The following ZSWIM6 variants were observed in gnomAD, a reference collection of about 807,000 sequenced individuals.
The protein encoded by ZSWIM6 is zinc finger SWIM domain-containing protein 6.
In ZSWIM6, 9 loss-of-function variants were observed where a neutral mutation model predicts 113.2. The ratio of observed to expected loss-of-function variants is 0.08; its 90% confidence interval spans 0.05 to 0.14. The LOEUF is 0.14. Ranked by LOEUF, ZSWIM6 falls within the 10% of genes least tolerant of loss-of-function variation. ZSWIM6 has a pLI of 1.00. For synonymous variants in ZSWIM6, 611 were observed against 606.5 expected, an observed-to-expected ratio of 1.01 and a Z score of -0.11; for missense variants, 1,162 against 1,552.2, an observed-to-expected ratio of 0.75 and a Z score of 4.22.
In ZSWIM6 at chr5:61,332,713, G is replaced by A. The variant is rs1342427053; in HGVS notation, c.441G>A (p.Ala147=). Reference sequence around the variant, plus strand: ...ACGACAGCGGTGGCGGCGGCGGCGCGGGCGGCGGCGGCGGCGGCGGCTCCT... The same window carrying A: ...ACGACAGCGGTGGCGGCGGCGGCGCAGGCGGCGGCGGCGGCGGCGGCTCCT... ...PGDDSGGGGG[A]GGGGGGGSSS... The change falls in exon 1 of 14, where the codon GCG becomes GCA. Residue 147 remains alanine (A), a synonymous_variant. Transcript: ENST00000252744. 4.8e-5 allele frequency: 45 copies of A among 928,530 alleles called. 2 individuals carry two copies. In the East Asian group the frequency reaches 5.5e-3, roughly 114 times the overall value. The allele number at this position is 928,530 out of a possible 1,614,324, so 57.5% of individuals were successfully genotyped here. A position where few individuals can be genotyped will look rare whatever the true frequency, so the allele number is the denominator to read the frequency against.
chr5:61,410,325 T>C (rs574429216), intron 1 of ZSWIM6, among the ~76,000 whole-genome samples: 2 of 150,934 alleles, frequency 1.3e-5, no homozygotes, highest in Non-Finnish European at 3.0e-5. Flanking sequence ...TTTTTTTTTT[T>C]TTTCAGACGG....
At chr5:61,494,111 C>T in intron 3 of ZSWIM6, 149 bp from the exon 4 acceptor site, 2 of 856,904 alleles carry the variant, frequency 2.3e-6, no homozygotes, top group Non-Finnish European at 3.5e-6. Context: ...CATCTCCCCG[C>T]CTATCCTCCA....
chr5:61,540,935 T>TTTG (rs796968614), intron 12 of ZSWIM6, among the ~76,000 whole-genome samples: 12 of 130,428 alleles, frequency 9.2e-5, no homozygotes, highest in East Asian at 4.0e-4. Context: ...TTTTTTTTTT[T>TTTG]TTGTTGTTGT....
At chr5:61,352,321 A>G (rs1048790120) in intron 1 of ZSWIM6, among the ~76,000 whole-genome samples, 3 of 152,228 alleles carry the variant, frequency 2.0e-5, no homozygotes, top group African/African-American at 7.2e-5. Context: ...AGGCTCCAGG[A>G]GAGCAGAAAC....
chr5:61,353,018 T>C (rs540742790), intron 1 of ZSWIM6, among the ~76,000 whole-genome samples: 2 of 152,302 alleles, frequency 1.3e-5, no homozygotes, highest in East Asian at 1.9e-4. Context: ...TGAACTTTTT[T>C]TTCCCCGTCT....
At chr5:61,458,892 A>G (rs1203837204) in intron 1 of ZSWIM6, among the ~76,000 whole-genome samples, 3 of 149,404 alleles carry the variant, frequency 2.0e-5, no homozygotes, top group Admixed American at 6.7e-5. Flanking sequence ...AAAAAAAAGA[A>G]AAAAAAAAAA....
At chr5:61,434,092 T>A (rs1037513512) in intron 1 of ZSWIM6, among the ~76,000 whole-genome samples, 9 of 147,118 alleles carry the variant, frequency 6.1e-5, no homozygotes, top group African/African-American at 2.2e-4. Context: ...ATATATGTAT[T>A]ATATATACTA....
intron 10 of ZSWIM6, among the ~76,000 whole-genome samples, chr5:61,537,399 A>AAG (rs1383678976): frequency 6.6e-6 from 1 of 152,196 alleles, no homozygotes; most frequent in Admixed American, 6.5e-5. Context: ...CAGGAAGGAA[A>AAG]AGAGAGATGT....
At position 61,391,097 on chromosome 5, in the gene ZSWIM6, G is replaced by A; in HGVS notation, c.676+58149G>A. ...GCCACAGGTAAGGCCACAGGGGCAG[G>A]ATGCTGTGTCCCAGTACAGGCCACT... On this transcript the variant is annotated intron_variant, in intron 1 of 13. Transcript: ENST00000252744. The A allele has an allele frequency of 1.2e-5, 9 of 744,340 alleles. No homozygotes were observed. The South Asian group carries it at 1.3e-4, about 11-fold the overall frequency. The allele number at this position is 744,340 out of a possible 1,614,324, so 46.1% of individuals were successfully genotyped here. A position where few individuals can be genotyped will look rare whatever the true frequency, so the allele number is the denominator to read the frequency against.
chr5:61,359,199 C>G (rs1157642170), intron 1 of ZSWIM6, among the ~76,000 whole-genome samples: 1 of 151,858 alleles, frequency 6.6e-6, no homozygotes, highest in Non-Finnish European at 1.5e-5. Flanking sequence ...TATGGAGGGA[C>G]CAAAGGGGGA....
intron 3 of ZSWIM6, among the ~76,000 whole-genome samples, chr5:61,492,775 G>C (rs1748216293): frequency 6.6e-6 from 1 of 152,078 alleles, no homozygotes; most frequent in South Asian, 2.1e-4. Flanking sequence ...AAATTCTAAA[G>C]CAGGTGAGGA....
intron 2 of ZSWIM6, among the ~76,000 whole-genome samples, chr5:61,481,936 C>A (rs1372634858): frequency 1.3e-5 from 2 of 152,132 alleles, no homozygotes; most frequent in Non-Finnish European, 1.5e-5. Context: ...ATAGCATTTA[C>A]TATTATAAAT....
chr5:61,464,584 G>C (rs1281516327), intron 1 of ZSWIM6, among the ~76,000 whole-genome samples: 5 of 152,088 alleles, frequency 3.3e-5, no homozygotes, highest in African/African-American at 1.2e-4. Context: ...GCGCCAAAAT[G>C]TGAGGACTCA....
At chr5:61,420,919 T>A (rs2112124378) in intron 1 of ZSWIM6, among the ~76,000 whole-genome samples, 1 of 151,788 alleles carries the variant, frequency 6.6e-6, no homozygotes, top group South Asian at 2.1e-4. Flanking sequence ...TCGTTCTATT[T>A]TTTTTTTTTC....
chr5:61,440,360 TA>T (rs11356012), intron 1 of ZSWIM6, among the ~76,000 whole-genome samples: 42,499 of 112,870 alleles, frequency 0.38, 7,099 homozygotes, highest in South Asian at 0.44. Context: ...TTCATTGGTG[TA>T]AAAAAAAAAA....
intron 1 of ZSWIM6, among the ~76,000 whole-genome samples, chr5:61,361,346 C>A (rs1174980055): frequency 6.6e-6 from 1 of 152,130 alleles, no homozygotes; most frequent in East Asian, 1.9e-4. Flanking sequence ...CAGGTTCTTT[C>A]CTCTGGATCA....
chr5:61,350,226 C>A (rs897193981), intron 1 of ZSWIM6, among the ~76,000 whole-genome samples: 3 of 152,206 alleles, frequency 2.0e-5, no homozygotes, highest in Non-Finnish European at 4.4e-5. Context: ...TCACCTCTTT[C>A]ACTTGTACAA....
intron 1 of ZSWIM6, among the ~76,000 whole-genome samples, chr5:61,349,231 A>T (rs1480675955): frequency 6.6e-6 from 1 of 152,180 alleles, no homozygotes; most frequent in African/African-American, 2.4e-5. Context: ...TTAAATACAA[A>T]GTCTTTTTTT....
intron 4 of ZSWIM6, among the ~76,000 whole-genome samples, chr5:61,497,132 G>T (rs1748339942): frequency 6.6e-6 from 1 of 150,682 alleles, no homozygotes; most frequent in Non-Finnish European, 1.5e-5. Context: ...AAAGATTCCT[G>T]GCATGAAAGC....
Sources: gnomAD v4.1 joint callset for allele counts (sites outside exome capture counted in the v4.1 genomes callset) on GRCh38, gnomAD v4.1.1 for gene constraint, MANE v1.5 for transcripts, NCBI Gene and HGNC (gene_info 2026-07-23, HGNC 2026-07-21) for gene names.